CTSB: variants seen among roughly 807,000 people sequenced by gnomAD.
CTSB encodes cathepsin B, also known as APP secretase.
Under a neutral mutation model 44.3 loss-of-function variants are expected in CTSB, and 57 were observed. The observed-to-expected ratio is 1.29, with a 90% CI of 1.04 to 1.60. The LOEUF (loss-of-function observed/expected upper bound fraction) is 1.60. CTSB is among the 40% of genes most tolerant of loss of function. CTSB has a pLI of 0.00. For missense variants in CTSB, 768 were observed against 443.0 expected (o/e 1.73, Z -6.59); for synonymous variants, 320 against 168.0 (o/e 1.91, Z -7.00).
chr8:11,850,675 G>A (rs948559886), intron 4 of CTSB, 191 bp downstream of exon 4: 6 of 475,372 alleles, frequency 1.3e-5, no homozygotes, highest in African/African-American at 7.8e-5. Context: ...TGCTCTGCCC[G>A]CCACTCCACC....
intron 1 of CTSB, among the ~76,000 whole-genome samples, chr8:11,863,936 A>C (rs1186598597): frequency 6.6e-6 from 1 of 152,214 alleles, no homozygotes; most frequent in Non-Finnish European, 1.5e-5. Flanking sequence ...TGCCCTGCAG[A>C]AACTCTTCTA....
At chr8:11,861,661 T>A (rs933678626) in intron 1 of CTSB, among the ~76,000 whole-genome samples, 7 of 152,204 alleles carry the variant, frequency 4.6e-5, no homozygotes, top group Admixed American at 3.3e-4. Context: ...AAGCTTTTAC[T>A]CCCCATTTCT....
intron 6 of CTSB, 34 bp from the exon 7 acceptor site, chr8:11,847,856 A>G: frequency 3.4e-6 from 5 of 1,488,998 alleles, no homozygotes; most frequent in Non-Finnish European, 4.4e-6. Flanking sequence ...GAGTCAACCT[A>G]CAGCCCCCAC....
In CTSB at chr8:11,847,048, G is replaced by A. The variant is rs765995442; in HGVS notation, c.793+4C>T. ...CTCTATTGCCATCAGCCATCAGCACGCACCTGACTTGTAGAGCAGGAAGTC... is the reference window on the plus strand; with the variant it reads ...CTCTATTGCCATCAGCCATCAGCACACACCTGACTTGTAGAGCAGGAAGTC... On this transcript the variant is annotated splice_donor_region_variant and intron_variant, in intron 8 of 9. Transcript: ENST00000353047. The A allele has an allele frequency of 4.3e-5, 45 of 1,050,280 alleles. No homozygotes were observed. Among genetic ancestry groups the A allele is most frequent in the South Asian group, 1.6e-4 (13 of 81,368 alleles). 65.1% of individuals were successfully genotyped at this position (1,050,280 alleles called of 1,614,324 possible).
chr8:11,855,652 T>G (rs1815379579), intron 1 of CTSB, among the ~76,000 whole-genome samples: 1 of 152,196 alleles, frequency 6.6e-6, no homozygotes, highest in Admixed American at 6.6e-5. Context: ...AGGCTTCGTT[T>G]CCACAAAAGG....
chr8:11,852,219 A>G (rs945867241), intron 3 of CTSB, among the ~76,000 whole-genome samples: 2 of 152,054 alleles, frequency 1.3e-5, no homozygotes, highest in Admixed American at 6.6e-5. Flanking sequence ...AAAAATACAA[A>G]TATTAGCCGT....
chr8:11,856,050 A>T (rs528266563), intron 1 of CTSB, among the ~76,000 whole-genome samples: 4 of 152,226 alleles, frequency 2.6e-5, no homozygotes, highest in African/African-American at 9.6e-5. Context: ...ATAAAGTAAA[A>T]TAAGTTCAAC....
At chr8:11,847,407 A>G (rs572938714) in intron 7 of CTSB, among the ~76,000 whole-genome samples, 1 of 152,162 alleles carries the variant, frequency 6.6e-6, no homozygotes, top group African/African-American at 2.4e-5. Flanking sequence ...AGGCCAGGAT[A>G]CCTCAAGACT....
rs377346104 is a variant in CTSB, at chr8:11,853,282, G to C, written c.126+47C>G. The C allele has an allele frequency of 9.4e-5, 151 of 1,605,366 alleles. 1 individual carries two copies. In the South Asian group the frequency reaches 1.4e-3, roughly 15 times the overall value. ...CCCATTCCTGGAGTCAGTGTGCACA[G>C]ACCGACCTGGGAGGGGACATACATA... On this transcript the variant is annotated intron_variant, in intron 2 of 9. Transcript: ENST00000353047.
At chr8:11,860,883 A>T (rs1020694642) in intron 1 of CTSB, among the ~76,000 whole-genome samples, 2 of 152,216 alleles carry the variant, frequency 1.3e-5, no homozygotes, top group Non-Finnish European at 2.9e-5. Flanking sequence ...GTGCAACCAC[A>T]AAACAAGACT....
intron 1 of CTSB, among the ~76,000 whole-genome samples, chr8:11,861,962 C>G (rs185322643): frequency 9.2e-5 from 14 of 152,290 alleles, no homozygotes; most frequent in Admixed American, 5.9e-4. Context: ...AATCCCAGTA[C>G]TTTGGGAGGC....
intron 1 of CTSB, among the ~76,000 whole-genome samples, chr8:11,867,053 T>A (rs1216082732): frequency 6.6e-6 from 1 of 152,148 alleles, no homozygotes; most frequent in Non-Finnish European, 1.5e-5. Flanking sequence ...AGGAGGAGTG[T>A]GGGGCCTGCG....
intron 7 of CTSB, 66 bp downstream of exon 7, chr8:11,847,613 C>A: frequency 1.3e-6 from 2 of 1,481,984 alleles, no homozygotes; most frequent in South Asian, 1.4e-5. Flanking sequence ...TTCGCTGCAG[C>A]GTGAGGAGGG....
At chr8:11,859,539 T>A (rs897865149) in intron 1 of CTSB, among the ~76,000 whole-genome samples, 6 of 151,972 alleles carry the variant, frequency 3.9e-5, no homozygotes, top group Non-Finnish European at 8.8e-5. Flanking sequence ...GGCAGGCGGA[T>A]CACCTGAGGT....
chr8:11,857,339 C>A (rs1444089616), intron 1 of CTSB, among the ~76,000 whole-genome samples: 1 of 152,106 alleles, frequency 6.6e-6, no homozygotes, highest in Admixed American at 6.6e-5. Context: ...TCTTAATAAT[C>A]TTCCCCTTTT....
chr8:11,866,299 C>T (rs1000750938), intron 1 of CTSB, among the ~76,000 whole-genome samples: 2 of 152,234 alleles, frequency 1.3e-5, no homozygotes, highest in African/African-American at 4.8e-5. Flanking sequence ...AGGGCCACCA[C>T]CCCTCACCGC....
At chr8:11,864,118 G>C (rs1315729591) in intron 1 of CTSB, among the ~76,000 whole-genome samples, 2 of 152,094 alleles carry the variant, frequency 1.3e-5, no homozygotes, top group East Asian at 1.9e-4. Flanking sequence ...GATCCATGTA[G>C]TGTAACTGAA....
chr8:11,846,733 T>A (rs1290229977), intron 8 of CTSB, among the ~76,000 whole-genome samples: 1 of 152,182 alleles, frequency 6.6e-6, no homozygotes, highest in African/African-American at 2.4e-5. Flanking sequence ...AGGGCAGGCG[T>A]GGCCAGCCAC....
chr8:11,860,343 C>A (rs1395560414), intron 1 of CTSB, among the ~76,000 whole-genome samples: 3 of 152,106 alleles, frequency 2.0e-5, no homozygotes, highest in Non-Finnish European at 4.4e-5. Context: ...TGAAAGTTGG[C>A]CGGGCACAGT....
Sources: allele counts gnomAD v4.1 joint callset (sites outside exome capture counted in the v4.1 genomes callset), GRCh38; gene constraint gnomAD v4.1.1; transcripts MANE v1.5; gene names NCBI Gene and HGNC (gene_info 2026-07-23, HGNC 2026-07-21).